The following CYREN variants were observed in gnomAD, a reference collection of about 807,000 sequenced individuals.
CYREN encodes the protein cell cycle regulator of non-homologous end joining.
Under a neutral mutation model 9.7 loss-of-function variants are expected in CYREN, and 7 were observed. The ratio of observed to expected loss-of-function variants is 0.72; its 90% CI spans 0.41 to 1.36. CYREN has a LOEUF of 1.36. Ranked by LOEUF, CYREN falls within the 40% of genes most tolerant of loss-of-function variation. CYREN has a pLI of 0.01. For synonymous variants in CYREN, 76 were observed against 77.9 expected (o/e 0.98, Z 0.13); for missense variants, 215 against 198.1 (o/e 1.09, Z -0.51).
At chr7:135,130,940 A>G (rs1694532191) in intron 2 of CYREN, among the ~76,000 whole-genome samples, 1 of 152,160 alleles carries the variant, frequency 6.6e-6, no homozygotes, top group African/African-American at 2.4e-5. Flanking sequence ...TTTGGAAAAG[A>G]GAACAGAAAA....
intron 2 of CYREN, among the ~76,000 whole-genome samples, chr7:135,130,018 G>T (rs1430512671): frequency 6.6e-6 from 1 of 152,118 alleles, no homozygotes; most frequent in Non-Finnish European, 1.5e-5. Flanking sequence ...GAGAAGAGGG[G>T]TCAAGAGTTA....
At chr7:135,152,966 C>T (rs1829699947) in intron 2 of CYREN, 1 of 152,090 alleles carries the variant, frequency 6.6e-6, no homozygotes, top group African/African-American at 2.4e-5. Context: ...CCAGAATCTA[C>T]AAGAACACAA....
exon 3 of CYREN, chr7:135,092,448 T>C (rs1020790365): frequency 2.6e-5 from 4 of 152,222 alleles, no homozygotes; most frequent in African/African-American, 9.6e-5. Context: ...CAACCTTTGT[T>C]ACATAATCTT....
chr7:135,110,151 T>C (rs555178766), intron 2 of CYREN, among the ~76,000 whole-genome samples: 1 of 152,138 alleles, frequency 6.6e-6, no homozygotes, highest in East Asian at 1.9e-4. Flanking sequence ...AGTGGCTGGC[T>C]GGAGTTCCAA....
chr7:135,168,938 C>T lies in CYREN; in HGVS notation c.-16G>A. On this transcript the variant is annotated 5_prime_UTR_variant, in exon 2 of 4. The change creates a new upstream start codon in the 5' untranslated region. Transcript: ENST00000393114. Reference sequence around the variant, plus strand: ...AGGTTTCCATCTCTGTACCTTCTCACAAAGAAGAGTCAGGGCCCAAGCTTA... The same window carrying T: ...AGGTTTCCATCTCTGTACCTTCTCATAAAGAAGAGTCAGGGCCCAAGCTTA... 1 of 1,565,718 alleles carries T rather than the reference C, an allele frequency of 6.4e-7. No homozygotes were observed. The highest frequency in any genetic ancestry group is 8.6e-7 in the Non-Finnish European group (1 of 1,156,482).
downstream of CYREN, among the ~76,000 whole-genome samples, chr7:135,163,648 A>G (rs1830006077): frequency 6.6e-6 from 1 of 152,184 alleles, no homozygotes; most frequent in Non-Finnish European, 1.5e-5. Flanking sequence ...CCATCTCAAA[A>G]ACAAACAAAC....
At chr7:135,122,586 A>T (rs1827288523) in intron 2 of CYREN, among the ~76,000 whole-genome samples, 1 of 152,038 alleles carries the variant, frequency 6.6e-6, no homozygotes, top group Non-Finnish European at 1.5e-5. Context: ...ACTGGGTAAG[A>T]CCCTCCAACA....
Position 135,166,830 on chromosome 7 carries a change from C to T in CYREN, c.255G>A (p.Ala85=), listed in dbSNP as rs377368963. The T allele has an allele frequency of 2.2e-5, 35 of 1,614,158 alleles. No homozygotes were observed. Among genetic ancestry groups the T allele is most frequent in the South Asian group, 8.8e-5 (8 of 91,082 alleles). ...QEKACEQPAL[A]GADNPEHSPP... Reference sequence around the variant, plus strand: ...GGGAGTGCTCTGGGTTATCAGCCCCCGCCAGGGCCGGCTGCTCGCAGGCCT... The same window carrying T: ...GGGAGTGCTCTGGGTTATCAGCCCCTGCCAGGGCCGGCTGCTCGCAGGCCT... The change falls in exon 4 of 4, where the codon GCG becomes GCA. Residue 85 remains alanine (A), a synonymous_variant. Transcript: ENST00000393114.
chr7:135,167,264 C>T (rs1169556700), intron 3 of CYREN: 24 of 1,073,110 alleles, frequency 2.2e-5, no homozygotes, highest in Admixed American at 4.9e-5. Context: ...AATGACATAA[C>T]GCATGCTTTC....
At chr7:135,106,278 TGA>T (rs1007788910) in intron 2 of CYREN, among the ~76,000 whole-genome samples, 6 of 152,162 alleles carry the variant, frequency 3.9e-5, no homozygotes, top group Admixed American at 1.3e-4. Flanking sequence ...AATAGAAAGG[TGA>T]GAGAGGGCAT....
At chr7:135,141,105 T>C (rs1829445199) in intron 2 of CYREN, among the ~76,000 whole-genome samples, 1 of 152,070 alleles carries the variant, frequency 6.6e-6, no homozygotes, top group Admixed American at 6.6e-5. Context: ...CACTCCTTGA[T>C]TTTTTGGGAT....
chr7:135,109,317 G>GAC (rs1825253842), intron 2 of CYREN, among the ~76,000 whole-genome samples: 1 of 152,222 alleles, frequency 6.6e-6, no homozygotes, highest in Admixed American at 6.5e-5. Context: ...AGGGCTGCAA[G>GAC]AGAGCAAAGA....
At chr7:135,161,202 G>C (rs1396039808), downstream of CYREN, among the ~76,000 whole-genome samples, 1 of 152,198 alleles carries the variant, frequency 6.6e-6, no homozygotes, top group African/African-American at 2.4e-5. The surrounding 1 kb of genome is among the most constrained non-coding windows in gnomAD (Gnocchi z 4.1). Context: ...AAGGTCAGTT[G>C]AGAGAAAATG....
At chr7:135,103,382 C>T (rs1470513916) in intron 2 of CYREN, among the ~76,000 whole-genome samples, 2 of 152,176 alleles carry the variant, frequency 1.3e-5, no homozygotes, top group Admixed American at 6.6e-5. Flanking sequence ...AAAATATACT[C>T]TCACAACTAT....
At chr7:135,128,590 C>A in intron 2 of CYREN, 1 of 770,712 alleles carries the variant, frequency 1.3e-6, no homozygotes. Context: ...TGTTTGTGAG[C>A]GCTATCTGCT....
intron 2 of CYREN, among the ~76,000 whole-genome samples, chr7:135,154,486 A>C (rs976112502): frequency 1.3e-5 from 2 of 152,190 alleles, no homozygotes; most frequent in South Asian, 2.1e-4. Context: ...TGATGTAGGC[A>C]TTTAATGCTA....
intron 2 of CYREN, among the ~76,000 whole-genome samples, chr7:135,130,062 C>G (rs1044168227): frequency 2.0e-5 from 3 of 152,156 alleles, no homozygotes; most frequent in African/African-American, 7.2e-5. Flanking sequence ...AGAAGCTTCC[C>G]TCTAAGACAT....
chr7:135,123,692 C>G (rs1467495256), intron 2 of CYREN, among the ~76,000 whole-genome samples: 1 of 152,048 alleles, frequency 6.6e-6, no homozygotes, highest in Non-Finnish European at 1.5e-5. Flanking sequence ...AACAGCGGCC[C>G]TCTCAGCAGA....
chr7:135,133,054 C>T lies in CYREN; in HGVS notation n.356+35695G>A, dbSNP rs182016829. On this transcript the variant is annotated intron_variant and non_coding_transcript_variant, in intron 2 of 2. Coordinates refer to the CYREN transcript ENST00000459937. The stretch of plus-strand genomic sequence containing the variant: ...CCTAATAAATTTACCAAAACACACA[C>T]GCACGCATGCGTGCACACACACACA... Among the ~76,000 whole-genome samples, 404 of 132,496 alleles carry T rather than the reference C, an allele frequency of 3.0e-3. 1 individual carries two copies. The highest frequency in any genetic ancestry group is 0.01 in the African/African-American group (374 of 35,932). The allele number at this position is 132,496 out of a possible 152,430, so 86.9% of individuals were successfully genotyped here. A position where few individuals can be genotyped will look rare whatever the true frequency, so the allele number is the denominator to read the frequency against.
Sources: allele counts gnomAD v4.1 joint callset (sites outside exome capture counted in the v4.1 genomes callset), GRCh38; gene constraint gnomAD v4.1.1; non-coding constraint Gnocchi (gnomAD v3.1); transcripts MANE v1.5; gene names NCBI Gene and HGNC (gene_info 2026-07-23, HGNC 2026-07-21).